DOT1L: variants seen among roughly 807,000 people sequenced by gnomAD.
The protein encoded by DOT1L is DOT1 like histone lysine methyltransferase.
A neutral mutation model predicts 153.3 loss-of-function variants in DOT1L; 33 were observed. The observed-to-expected ratio is 0.22, with a 90% confidence interval of 0.16 to 0.29. The LOEUF (loss-of-function observed/expected upper bound fraction) is 0.29. Ranked by LOEUF, DOT1L falls within the 10% of genes least tolerant of loss-of-function variation. The pLI is 1.00. For synonymous variants in DOT1L, 1,135 were observed against 965.1 expected, an observed-to-expected ratio of 1.18 and a Z score of -3.26; for missense variants, 1,847 against 2,119.9, an observed-to-expected ratio of 0.87 and a Z score of 2.53.
At chr19:2,224,177 CG>C (rs1330806131) in intron 25 of DOT1L, among the ~76,000 whole-genome samples, 2 of 152,204 alleles carry the variant, frequency 1.3e-5, no homozygotes, top group Non-Finnish European at 2.9e-5. Context: ...ATCCGCCCTC[CG>C]TGCTAGGCTT....
chr19:2,181,349 C>G (rs1458425349), intron 2 of DOT1L, among the ~76,000 whole-genome samples: 1 of 152,206 alleles, frequency 6.6e-6, no homozygotes, highest in Non-Finnish European at 1.5e-5. Flanking sequence ...GCCCTGGCGT[C>G]TTGCTGGTCT....
chr19:2,186,337 C>G (rs1366706203), intron 3 of DOT1L, among the ~76,000 whole-genome samples: 1 of 152,054 alleles, frequency 6.6e-6, no homozygotes, highest in Admixed American at 6.6e-5. Flanking sequence ...CTGTCTCCAG[C>G]CCTGTGGCTG....
At chr19:2,229,202 C>T (rs2024494787) in intron 27 of DOT1L, 2 of 985,350 alleles carry the variant, frequency 2.0e-6, no homozygotes, top group South Asian at 9.4e-5. Flanking sequence ...TTCACTCCTC[C>T]CCCAAGAGGC....
chr19:2,226,210 C>T lies in DOT1L; in HGVS notation c.3689C>T (p.Ala1230Val), dbSNP rs781060698. The T allele has an allele frequency of 2.2e-5, 34 of 1,522,718 alleles. No individual in the cohort carries two copies. Among genetic ancestry groups the T allele is most frequent in the African/African-American group, 1.9e-4 (14 of 72,132 alleles). The allele number at this position is 1,522,718 out of a possible 1,614,324, so 94.3% of individuals were successfully genotyped here. Residue 1230 changes from alanine to valine, a missense_variant, in exon 27 of 28, where the codon GCG (alanine) becomes GTG (valine). Around this residue, in one of 8 missense-constraint regions of DOT1L, gnomAD observed 934 missense variants for 825.3 expected, o/e 1.13. Coordinates refer to ENST00000398665, the MANE Select transcript of DOT1L (RefSeq NM_032482.3). ...GGTGGCTTGGCGGGAAGGAAGCCCG[C>T]GCCCGCCGGCGAGCCAGTCAATAGC... ...NGGGLAGRKP[A>V]PAGEPVNSSK... is the part of the protein sequence containing the mutation.
At chr19:2,227,334 G>A (rs766102568) in intron 27 of DOT1L, 6 of 754,336 alleles carry the variant, frequency 8.0e-6, no homozygotes, top group South Asian at 1.5e-5. Context: ...TGGGTTCTCT[G>A]GTTGTAACCG....
rs1158483040 is a variant in DOT1L at position 2,191,269 on chromosome 19, T to C, written c.493+29T>C. The C allele has an allele frequency of 6.2e-7, 1 of 1,608,140 alleles. No individual in the cohort carries two copies. The highest frequency in any genetic ancestry group is 8.5e-7 in the Non-Finnish European group (1 of 1,175,526). Reference sequence around the variant, plus strand: ...AGTGTCGCCCGCCATGCCCGGCTCCTGTGCACTTCCAGGCCACACGCTCTG... The same window carrying C: ...AGTGTCGCCCGCCATGCCCGGCTCCCGTGCACTTCCAGGCCACACGCTCTG... On this transcript the variant is annotated intron_variant, in intron 5 of 27. Coordinates refer to ENST00000398665, the MANE Select transcript of DOT1L (RefSeq NM_032482.3). This position sits in a 1 kb window ranked among gnomAD's most constrained non-coding sequence, Gnocchi z 6.8.
Position 2,227,664 on chromosome 19 carries a change from C to T in DOT1L, c.4606+537C>T, listed in dbSNP as rs1172467223. On this transcript the variant is annotated intron_variant, in intron 27 of 27. Coordinates refer to ENST00000398665, the MANE Select transcript of DOT1L (RefSeq NM_032482.3). ...GCCGTTTCGCTTCCCTTTTTGTGAG[C>T]CTGCGGCTGCTGCTCTGCGCTTGCC... 1.5e-5 allele frequency: 19 copies of T among 1,270,476 alleles called. No homozygotes were observed. The South Asian group carries it at 2.4e-4, about 16-fold the overall frequency. 78.7% of individuals were successfully genotyped at this position (1,270,476 alleles called of 1,614,324 possible). A position where few individuals can be genotyped will look rare whatever the true frequency, so the allele number is the denominator to read the frequency against.
Position 2,216,485 on chromosome 19 carries a change from G to A in DOT1L, c.2128G>A (p.Glu710Lys). 6.2e-7 allele frequency: 1 copy of A among 1,612,662 alleles called. No individual in the cohort carries two copies. The highest frequency in any genetic ancestry group is 1.3e-5 in the African/African-American group (1 of 75,060). Residue 710 changes from glutamate (E) to lysine (K), a missense_variant, in exon 20 of 28, where the codon GAG becomes AAG. Glu to Lys is a moderately conservative substitution (Grantham distance 56). Coordinates refer to ENST00000398665, the MANE Select transcript of DOT1L (RefSeq NM_032482.3). ...SLPHLSSMSP[E>K]LSMNGQAAGY... ...GCCTCACTTGAGCAGCATGAGCCCG[G>A]AGCTCTCCATGAACGGCCAGGCTGC...
intron 2 of DOT1L, among the ~76,000 whole-genome samples, chr19:2,182,578 C>T (rs2022292505): frequency 6.6e-6 from 1 of 152,020 alleles, no homozygotes; most frequent in South Asian, 2.1e-4. Flanking sequence ...CTTCCCGGGG[C>T]TGTGACTGTG....
chr19:2,209,309 G>T (rs1441368118), intron 12 of DOT1L, among the ~76,000 whole-genome samples: 1 of 151,418 alleles, frequency 6.6e-6, no homozygotes. Context: ...CTGTCTTCAT[G>T]CTTTGCCTTG....
Position 2,220,387 on chromosome 19 carries a change from C to A in DOT1L, c.2806+165C>A. 1.3e-6 allele frequency: 1 copy of A among 746,014 alleles called. No individual in the cohort carries two copies. The highest frequency in any genetic ancestry group is 2.3e-6 in the Non-Finnish European group (1 of 427,836). The allele number at this position is 746,014 out of a possible 1,614,324, so 46.2% of individuals were successfully genotyped here. On this transcript the variant is annotated intron_variant, in intron 23 of 27. Transcript: ENST00000398665. This position sits in a 1 kb window ranked among gnomAD's most constrained non-coding sequence, Gnocchi z 4.5. ...TACTGACACCCTTTCCTGCATCCCA[C>A]GAGCTGGGATGCGGATCGGGCTCAG...
intron 8 of DOT1L, among the ~76,000 whole-genome samples, chr19:2,202,218 G>T (rs1469289680): frequency 6.6e-6 from 1 of 152,208 alleles, no homozygotes; most frequent in Non-Finnish European, 1.5e-5. Flanking sequence ...CCCTGTCCTT[G>T]CCAGAGTGTC....
At chr19:2,223,560 GGGT>G in intron 25 of DOT1L, 74 bp downstream of exon 25, 1 of 308,138 alleles carries the variant, frequency 3.2e-6, no homozygotes, top group Non-Finnish European at 6.3e-6. Flanking sequence ...GTGTGTGTGT[GGGT>G]GGGTGGGTGG....
In DOT1L at chr19:2,207,437, G is replaced by A; in HGVS notation, c.857-137G>A. 1 of 699,996 alleles carries A rather than the reference G, an allele frequency of 1.4e-6. No individual in the cohort carries two copies. The highest frequency in any genetic ancestry group is 2.3e-6 in the Non-Finnish European group (1 of 428,200). The allele number at this position is 699,996 out of a possible 1,614,324, so 43.4% of individuals were successfully genotyped here. On this transcript the variant is annotated intron_variant, in intron 10 of 27. Coordinates refer to ENST00000398665, the MANE Select transcript of DOT1L (RefSeq NM_032482.3). This position sits in a 1 kb window ranked among gnomAD's most constrained non-coding sequence, Gnocchi z 4.5. ...TGGGCCGGCCTCTGTGGGCCACTGT[G>A]GCCTGACGCAGTGTGGGAGAAGAGG...
At chr19:2,209,494 C>G (rs1271498497) in intron 12 of DOT1L, among the ~76,000 whole-genome samples, 10 of 152,228 alleles carry the variant, frequency 6.6e-5, no homozygotes, top group Admixed American at 6.5e-4. Flanking sequence ...CACATGTGCG[C>G]TTGTCCCACC....
At chr19:2,225,265 G>C (rs537574390) in intron 25 of DOT1L, 123 bp from the exon 26 acceptor site, 18 of 966,676 alleles carry the variant, frequency 1.9e-5, no homozygotes, top group Admixed American at 1.3e-4. Context: ...CGGGTCCCCT[G>C]TCTGGGCCGA....
At chr19:2,229,764 T>A in intron 27 of DOT1L, 21 bp from the exon 28 acceptor site, 1 of 1,613,192 alleles carries the variant, frequency 6.2e-7, no homozygotes. Flanking sequence ...AGGCCGCTCT[T>A]CCCGCTGTGC....
Position 2,194,604 on chromosome 19 carries a change from C to T in DOT1L, c.651+27C>T, listed in dbSNP as rs375338394. 3.5e-5 allele frequency: 56 copies of T among 1,606,078 alleles called. No homozygotes were observed. The African/African-American group carries it at 6.5e-4, about 19-fold the overall frequency. ...TGAGTGCCATCGCTCCGCCCCGGCT[C>T]CCATCGCCGGCCCCACCCCCGCTCC... On this transcript the variant is annotated intron_variant, in intron 7 of 27. Transcript: ENST00000398665.
chr19:2,215,957 T>G (rs552269464), intron 19 of DOT1L: 2 of 264,176 alleles, frequency 7.6e-6, no homozygotes, highest in Non-Finnish European at 1.4e-5. Flanking sequence ...GGCGTGTCCC[T>G]CCACAGGTTT....
Sources: gnomAD v4.1 joint callset for allele counts (sites outside exome capture counted in the v4.1 genomes callset) on GRCh38, gnomAD v4.1.1 for gene constraint, gnomAD v4.1.1 regional missense constraint, Gnocchi (gnomAD v3.1) non-coding constraint, MANE v1.5 for transcripts, NCBI Gene and HGNC (gene_info 2026-07-23, HGNC 2026-07-21) for gene names.